Variants in SOS1 observed in about 807,000 individuals in gnomAD.
SOS1 encodes son of sevenless homolog 1.
In SOS1, 25 loss-of-function variants were observed where a neutral mutation model predicts 157.6. The observed-to-expected ratio is 0.16, with a 90% CI of 0.12 to 0.22. SOS1 has a LOEUF of 0.22. SOS1 is among the 10% of genes least tolerant of loss of function. SOS1 has a pLI of 1.00. For missense variants in SOS1, 1,237 were observed against 1,599.1 expected (o/e 0.77, Z 3.86); for synonymous variants, 528 against 534.0 (o/e 0.99, Z 0.16).
In SOS1 at chr2:38,999,434, T is replaced by C. The variant is rs570963538; in HGVS notation, c.2792-2009A>G. Reference sequence around the variant, plus strand: ...AAAGATAAAAGGATCCAAATCAATATTGAACAGATCAGCAATAATGAAATC... The same window carrying C: ...AAAGATAAAAGGATCCAAATCAATACTGAACAGATCAGCAATAATGAAATC... On this transcript the variant is annotated intron_variant, in intron 17 of 22. Coordinates refer to ENST00000402219, the MANE Select transcript of SOS1 (RefSeq NM_005633.4). Among the ~76,000 whole-genome samples, 7 of 152,320 alleles carry C rather than the reference T, an allele frequency of 4.6e-5. 1 individual carries two copies. The South Asian group carries it at 1.2e-3, about 27-fold the overall frequency.
intron 1 of SOS1, among the ~76,000 whole-genome samples, chr2:39,094,577 T>C (rs1179901663): frequency 6.6e-6 from 1 of 151,920 alleles, no homozygotes; most frequent in Non-Finnish European, 1.5e-5. Flanking sequence ...CCCGGGAGGC[T>C]GGGAGGCGCA....
In SOS1 at chr2:39,031,240, C is replaced by T. The variant is rs1038255611; in HGVS notation, c.1074+3972G>A. ...TAAAATAGAGGGAAACTTACTTTCC[C>T]CTAGGTTACAAGGACCCAGCATACA... On this transcript the variant is annotated intron_variant, in intron 8 of 22. Transcript: ENST00000402219. 4.6e-5 allele frequency among the ~76,000 whole-genome samples: 7 copies of T among 152,186 alleles called. No individual in the cohort carries two copies. The South Asian group carries it at 1.2e-3, about 27-fold the overall frequency.
intron 1 of SOS1, chr2:39,082,828 A>G (rs1672253994): frequency 6.6e-6 from 1 of 152,254 alleles, no homozygotes; most frequent in Admixed American, 6.5e-5. Flanking sequence ...TTTGGGAAGA[A>G]AGAATTGTAC....
intron 9 of SOS1, among the ~76,000 whole-genome samples, chr2:39,023,512 C>A (rs905652085): frequency 6.6e-6 from 1 of 151,608 alleles, no homozygotes; most frequent in African/African-American, 2.4e-5. Context: ...AGAATGACAA[C>A]TAATAAAAAG....
At chr2:39,111,685 G>A (rs1210961083) in intron 1 of SOS1, among the ~76,000 whole-genome samples, 3 of 151,016 alleles carry the variant, frequency 2.0e-5, no homozygotes, top group Non-Finnish European at 4.4e-5. Flanking sequence ...ATCAACTTTA[G>A]AGCTCCTAAT....
chr2:39,088,224 A>C, intron 1 of SOS1, among the ~76,000 whole-genome samples: 1 of 30,628 alleles, frequency 3.3e-5, no homozygotes, highest in East Asian at 7.4e-4. Flanking sequence ...ATAAACTGAA[A>C]AGCTTTTTTC....
intron 11 of SOS1, 117 bp from the exon 12 acceptor site, chr2:39,014,106 G>A: frequency 1.4e-6 from 1 of 707,052 alleles, no homozygotes; most frequent in Non-Finnish European, 2.5e-6. Flanking sequence ...AAAAATTACT[G>A]AAGATATGCA....
intron 10 of SOS1, among the ~76,000 whole-genome samples, chr2:39,017,080 A>G (rs1449293746): frequency 6.6e-6 from 1 of 152,096 alleles, no homozygotes; most frequent in Non-Finnish European, 1.5e-5. Context: ...GAACTTTGAC[A>G]TAACTTATTT....
chr2:39,044,424 A>G (rs533148391), intron 6 of SOS1, among the ~76,000 whole-genome samples: 11 of 152,322 alleles, frequency 7.2e-5, no homozygotes, highest in African/African-American at 2.4e-4. Context: ...TCTTAGGTGT[A>G]TCACGTTATC....
chr2:39,098,246 C>T (rs1672843857), intron 1 of SOS1: 3 of 234,270 alleles, frequency 1.3e-5, no homozygotes, highest in Admixed American at 8.3e-5. Context: ...TGGGAGAACT[C>T]TATCTCCAAC....
chr2:39,078,485 A>G (rs532900964), intron 1 of SOS1, among the ~76,000 whole-genome samples: 1 of 143,610 alleles, frequency 7.0e-6, no homozygotes, highest in African/African-American at 2.6e-5. Context: ...CTGCCAACCA[A>G]TAAATCTCCT....
chr2:39,006,149 A>G (rs1425831998), intron 17 of SOS1, among the ~76,000 whole-genome samples: 2 of 152,128 alleles, frequency 1.3e-5, no homozygotes, highest in African/African-American at 4.8e-5. Context: ...TTAAAATGCA[A>G]TTAAAAAGGC....
At chr2:39,100,500 T>C (rs1346457191) in intron 1 of SOS1, among the ~76,000 whole-genome samples, 1 of 152,184 alleles carries the variant, frequency 6.6e-6, no homozygotes, top group African/African-American at 2.4e-5. Flanking sequence ...ATACTGCCAT[T>C]TGCAACTACA....
chr2:39,045,247 A>AGG (rs150513425), intron 6 of SOS1, among the ~76,000 whole-genome samples: 21,566 of 129,150 alleles, frequency 0.17, 3,570 homozygotes, highest in African/African-American at 0.42. Flanking sequence ...AGAGAGGGAG[A>AGG]GAGAGAGAGA....
chr2:39,114,543 T>TC (rs1212423272), intron 1 of SOS1, among the ~76,000 whole-genome samples: 1 of 152,086 alleles, frequency 6.6e-6, no homozygotes, highest in Non-Finnish European at 1.5e-5. Flanking sequence ...CCTCAGGTGA[T>TC]CCCCCGCCTC....
intron 1 of SOS1, among the ~76,000 whole-genome samples, chr2:39,080,878 T>C (rs775940723): frequency 6.6e-6 from 1 of 152,084 alleles, no homozygotes; most frequent in Non-Finnish European, 1.5e-5. Flanking sequence ...CTAGCTAAAA[T>C]ACAACCTACA....
At chr2:39,002,302 G>T (rs1396730401) in intron 17 of SOS1, among the ~76,000 whole-genome samples, 1 of 152,014 alleles carries the variant, frequency 6.6e-6, no homozygotes, top group Non-Finnish European at 1.5e-5. Flanking sequence ...TCCAGCCTGG[G>T]CAACAAAAGT....
chr2:39,101,916 T>C (rs72909647), intron 1 of SOS1, among the ~76,000 whole-genome samples: 4,255 of 151,968 alleles, frequency 0.028, 190 homozygotes, highest in African/African-American at 0.09. Flanking sequence ...AATTAAAAAG[T>C]ACTACTTTAG....
upstream of SOS1, among the ~76,000 whole-genome samples, chr2:39,123,147 C>A (rs200538208): frequency 2.2e-4 from 34 of 152,260 alleles, no homozygotes; most frequent in East Asian, 6.6e-3. Flanking sequence ...GCCTAGAACC[C>A]CTAACTGTTC....
Sources: gnomAD v4.1 joint callset for allele counts (sites outside exome capture counted in the v4.1 genomes callset) on GRCh38, gnomAD v4.1.1 for gene constraint, MANE v1.5 for transcripts, NCBI Gene and HGNC (gene_info 2026-07-23, HGNC 2026-07-21) for gene names.